The following CLSTN2 variants were observed in gnomAD, a reference collection of about 807,000 sequenced individuals.
The protein encoded by CLSTN2 is calsyntenin-2.
CLSTN2 carries 48 observed loss-of-function variants against 101.2 expected under a neutral mutation model. The ratio of observed to expected loss-of-function variants is 0.47; its 90% CI spans 0.38 to 0.60. The LOEUF (loss-of-function observed/expected upper bound fraction) is 0.60, where lower values mean the gene tolerates loss of function less well. CLSTN2 is among the 20% of genes least tolerant of loss of function. CLSTN2 has a pLI of 0.00. For missense variants in CLSTN2, 1,160 were observed against 1,238.2 expected (o/e 0.94, Z 0.95); for synonymous variants, 481 against 463.6 (o/e 1.04, Z -0.48).
intron 2 of CLSTN2, among the ~76,000 whole-genome samples, chr3:140,340,515 T>C (rs2087482158): frequency 1.3e-5 from 2 of 152,322 alleles, no homozygotes; most frequent in Non-Finnish European, 2.9e-5. Flanking sequence ...GATTTTTCCT[T>C]TCCTTTTGTT....
At chr3:140,407,142 G>A (rs1421071938) in intron 4 of CLSTN2, among the ~76,000 whole-genome samples, 1 of 152,144 alleles carries the variant, frequency 6.6e-6, no homozygotes, top group African/African-American at 2.4e-5. Flanking sequence ...CACAGAGACG[G>A]CTCCCATTCT....
chr3:140,506,506 A>G (rs1277613813), intron 8 of CLSTN2: 1 of 152,126 alleles, frequency 6.6e-6, no homozygotes, highest in East Asian at 1.9e-4. Context: ...CCAGGATTTG[A>G]TCCCGTTGTG....
intron 1 of CLSTN2, among the ~76,000 whole-genome samples, chr3:139,981,509 A>G (rs570129607): frequency 9.2e-5 from 14 of 152,350 alleles, no homozygotes; most frequent in African/African-American, 3.4e-4. Context: ...TTCTTCTTCA[A>G]CAAATGGAAT....
intron 2 of CLSTN2, among the ~76,000 whole-genome samples, chr3:140,400,013 A>G (rs1485373837): frequency 6.6e-6 from 1 of 151,136 alleles, no homozygotes; most frequent in Non-Finnish European, 1.5e-5. Context: ...TTTCCCCTCC[A>G]CCATCGTTTT....
In CLSTN2 at chr3:140,229,595, G is replaced by C. The variant is rs182124686; in HGVS notation, c.232+53522G>C. Among the ~76,000 whole-genome samples, 288 of 151,950 alleles carry C rather than the reference G, an allele frequency of 1.9e-3. 1 individual carries two copies. Among genetic ancestry groups the C allele is most frequent in the Non-Finnish European group, 3.3e-3 (227 of 67,984 alleles). On this transcript the variant is annotated intron_variant, in intron 2 of 16. Coordinates refer to ENST00000458420, the MANE Select transcript of CLSTN2 (RefSeq NM_022131.3). Reference sequence around the variant, plus strand: ...AACTGATGCTCCTCCTGATTATTCAGGAGAGCTAAAACCCATTCAGGCAGG... The same window carrying C: ...AACTGATGCTCCTCCTGATTATTCACGAGAGCTAAAACCCATTCAGGCAGG...
chr3:140,448,970 T>C (rs931031612), intron 6 of CLSTN2, among the ~76,000 whole-genome samples: 3 of 152,094 alleles, frequency 2.0e-5, no homozygotes, highest in Non-Finnish European at 4.4e-5. Flanking sequence ...TCTTCTTTGG[T>C]AAAACGGGAA....
At chr3:140,374,299 C>A (rs571981640) in intron 2 of CLSTN2, among the ~76,000 whole-genome samples, 2 of 152,260 alleles carry the variant, frequency 1.3e-5, no homozygotes, top group East Asian at 3.9e-4. Flanking sequence ...TCTCCTCCTC[C>A]TTTTTTTCTT....
chr3:140,139,326 T>C (rs1243103948), intron 1 of CLSTN2, among the ~76,000 whole-genome samples: 1 of 152,218 alleles, frequency 6.6e-6, no homozygotes, highest in East Asian at 1.9e-4. Context: ...TTCCTTTCTC[T>C]GAAGGTTTTG....
At position 140,563,138 on chromosome 3, in the gene CLSTN2, T is replaced by C. The variant is rs1348352543; in HGVS notation, c.2417T>C (p.Val806Ala). The change falls in exon 15 of 17, where the codon GTG becomes GCG. Residue 806 changes from valine to alanine, a missense_variant. Transcript: ENST00000458420. ...AAGGAGCATGTCAATCATCTGATTG[T>C]GCAGCCTCCCTTCCTCCAGTCTGTC... ...SDKEHVNHLIVQPPFLQSVHH... is the reference protein window; with the variant it reads ...SDKEHVNHLIAQPPFLQSVHH... The C allele has an allele frequency of 1.8e-5, 29 of 1,613,990 alleles. No homozygotes were observed. The highest frequency in any genetic ancestry group is 2.5e-5 in the Non-Finnish European group (29 of 1,179,964).
At chr3:140,246,006 C>T (rs1319184104) in intron 2 of CLSTN2, among the ~76,000 whole-genome samples, 2 of 152,148 alleles carry the variant, frequency 1.3e-5, no homozygotes, top group Non-Finnish European at 2.9e-5. Flanking sequence ...TTTTTTAAAG[C>T]TTGCACTCAA....
intron 2 of CLSTN2, among the ~76,000 whole-genome samples, chr3:140,257,850 C>T: frequency 6.6e-6 from 1 of 152,042 alleles, no homozygotes; most frequent in East Asian, 1.9e-4. Flanking sequence ...ATCTCTAGTT[C>T]AGATTCTTTC....
At chr3:139,986,253 A>G (rs1293723291) in intron 1 of CLSTN2, among the ~76,000 whole-genome samples, 5 of 152,198 alleles carry the variant, frequency 3.3e-5, no homozygotes, top group African/African-American at 1.2e-4. Context: ...CATTACATGC[A>G]CATAAAGACT....
At chr3:140,074,005 C>T (rs1464309331) in intron 1 of CLSTN2, among the ~76,000 whole-genome samples, 1 of 152,064 alleles carries the variant, frequency 6.6e-6, no homozygotes, top group Admixed American at 6.5e-5. Flanking sequence ...CTCCAGGAGG[C>T]CCAGACACAG....
intron 8 of CLSTN2, among the ~76,000 whole-genome samples, chr3:140,498,043 A>T (rs919321296): frequency 1.3e-5 from 2 of 152,086 alleles, no homozygotes; most frequent in African/African-American, 4.8e-5. Context: ...GAGAACCTAG[A>T]TATTTCGGTT....
intron 1 of CLSTN2, among the ~76,000 whole-genome samples, chr3:140,105,389 TA>T (rs1184073262): frequency 6.6e-6 from 1 of 152,132 alleles, no homozygotes; most frequent in Non-Finnish European, 1.5e-5. Context: ...TCCAAACATC[TA>T]AAGGGCCAGC....
chr3:140,500,056 G>A (rs1576600107), intron 8 of CLSTN2, among the ~76,000 whole-genome samples: 2 of 149,600 alleles, frequency 1.3e-5, no homozygotes, highest in South Asian at 2.1e-4. Flanking sequence ...GACAGAGCGC[G>A]ACTCCGTCTC....
At chr3:140,478,580 G>T (rs369987600) in intron 8 of CLSTN2, among the ~76,000 whole-genome samples, 1 of 152,166 alleles carries the variant, frequency 6.6e-6, no homozygotes, top group African/African-American at 2.4e-5. Flanking sequence ...AGGGCATGGG[G>T]TTGAAGTGGA....
At chr3:140,456,867 C>G (rs1034999643) in intron 6 of CLSTN2, among the ~76,000 whole-genome samples, 1 of 151,958 alleles carries the variant, frequency 6.6e-6, no homozygotes, top group Non-Finnish European at 1.5e-5. Flanking sequence ...TAACCCTGAC[C>G]AGCACTGGGT....
chr3:140,344,251 C>A (rs750241685), intron 2 of CLSTN2, among the ~76,000 whole-genome samples: 2 of 152,184 alleles, frequency 1.3e-5, no homozygotes, highest in African/African-American at 2.4e-5. Context: ...CTACACACAG[C>A]TCATTGTGCT....
Sources: gnomAD v4.1 joint callset for allele counts (sites outside exome capture counted in the v4.1 genomes callset) on GRCh38, gnomAD v4.1.1 for gene constraint, MANE v1.5 for transcripts, NCBI Gene and HGNC (gene_info 2026-07-23, HGNC 2026-07-21) for gene names.